Variants in RP1 observed in about 807,000 individuals in gnomAD.
RP1 encodes the protein RP1 axonemal microtubule associated.
In RP1, 16 loss-of-function variants were observed where a neutral mutation model predicts 14.8. The ratio of observed to expected loss-of-function variants is 1.08; its 90% CI spans 0.73 to 1.65. The LOEUF (loss-of-function observed/expected upper bound fraction) is 1.65. Among genes scored for constraint, RP1 ranks in the 40% most tolerant of loss-of-function variants. The pLI is 0.00. For synonymous variants in RP1, 876 were observed against 883.6 expected (o/e 0.99, Z 0.15); for missense variants, 2,631 against 2,535.0 (o/e 1.04, Z -0.81).
At chr8:54,654,100 C>T (rs1806710632) in intron 5 of RP1, among the ~76,000 whole-genome samples, 1 of 152,128 alleles carries the variant, frequency 6.6e-6, no homozygotes, top group African/African-American at 2.4e-5. Context: ...TTGTTGAGTA[C>T]CTGTGAAGAA....
rs1207897861 is a variant in RP1, at chr8:54,785,000, T to C, written c.3615+1290T>C. ...TATGGGGTACAGTGTGATGCTCCAA[T>C]ACATACATATATTGTATAATGATCA... is the stretch of plus-strand genomic sequence containing the variant. On this transcript the variant is annotated intron_variant, in intron 24 of 28. Transcript: ENST00000637698. Among the ~76,000 whole-genome samples the C allele has an allele frequency of 3.3e-5, 5 of 152,210 alleles. No homozygotes were observed. In the East Asian group the frequency reaches 5.8e-4, roughly 18 times the overall value.
intron 8 of RP1, among the ~76,000 whole-genome samples, chr8:54,677,209 G>A (rs1188089556): frequency 6.6e-6 from 1 of 151,794 alleles, no homozygotes; most frequent in Non-Finnish European, 1.5e-5. Context: ...GCAAACTGGG[G>A]CATTTGATCA....
intron 25 of RP1, among the ~76,000 whole-genome samples, chr8:54,844,875 G>A (rs374171536): frequency 6.6e-6 from 1 of 152,132 alleles, no homozygotes; most frequent in Non-Finnish European, 1.5e-5. Context: ...GCGCCACTGG[G>A]TCACTCTGTG....
chr8:54,561,774 G>C (rs1347380784), intron 1 of RP1: 1 of 152,156 alleles, frequency 6.6e-6, no homozygotes, highest in African/African-American at 2.4e-5. Flanking sequence ...ATTATTGCTG[G>C]AACATTCTAT....
rs997810354 is a variant in RP1 at position 54,769,705 on chromosome 8, C to A, written c.3249-36C>A. On this transcript the variant is annotated intron_variant, in intron 22 of 22. Transcript: ENST00000636932. ...AAATTAATTTTCTCTCTATTTTCTC[C>A]TCTCTCTTTCTTTCTCTCTCTCTCT... 3 of 1,310,412 alleles carry A rather than the reference C, an allele frequency of 2.3e-6. No homozygotes were observed. In the African/African-American group the frequency reaches 4.5e-5, roughly 20 times the overall value. 81.2% of individuals were successfully genotyped at this position (1,310,412 alleles called of 1,614,324 possible). A position where few individuals can be genotyped will look rare whatever the true frequency, so the allele number is the denominator to read the frequency against.
chr8:54,754,791 T>C, intron 19 of RP1: 2 of 1,485,936 alleles, frequency 1.3e-6, no homozygotes, highest in Non-Finnish European at 1.8e-6. Flanking sequence ...TCATTTTTTC[T>C]TCTAATTCCA....
intron 1 of RP1, among the ~76,000 whole-genome samples, chr8:54,570,950 C>G (rs1804505722): frequency 2.0e-5 from 3 of 152,220 alleles, no homozygotes; most frequent in African/African-American, 7.2e-5. Context: ...GCTGTAATCA[C>G]TGCCTCCTCA....
intron 17 of RP1, chr8:54,726,578 T>C: frequency 1.5e-6 from 2 of 1,293,362 alleles, no homozygotes; most frequent in Non-Finnish European, 2.1e-6. Flanking sequence ...ACAGCATATA[T>C]TATGTTATAC....
chr8:54,769,644 G>C, intron 22 of RP1: 1 of 864,114 alleles, frequency 1.2e-6, no homozygotes, highest in Non-Finnish European at 1.8e-6. Flanking sequence ...CAAAATTAAT[G>C]CAGAATCAAC....
intron 1 of RP1, among the ~76,000 whole-genome samples, chr8:54,564,173 C>T (rs1011719552): frequency 1.3e-5 from 2 of 152,172 alleles, no homozygotes; most frequent in Admixed American, 1.3e-4. Context: ...TCTTCAGTCT[C>T]TGGAGGGCTT....
At chr8:54,618,286 T>C (rs552251329) in intron 1 of RP1, among the ~76,000 whole-genome samples, 1 of 152,140 alleles carries the variant, frequency 6.6e-6, no homozygotes. Context: ...ATAGGGACAA[T>C]GGCAGCTGCT....
chr8:54,629,397 A>G lies in RP1; in HGVS notation c.5515A>G (p.Asn1839Asp). The G allele has an allele frequency of 6.2e-7, 1 of 1,614,148 alleles. No individual in the cohort carries two copies. Among genetic ancestry groups the G allele is most frequent in the East Asian group, 2.2e-5 (1 of 44,882 alleles). ...TCATGAGGACTTGCTGGATGTTCGC[A>G]ATGAAACCTGTGCCAAGGAAAGAAT... ...PFHEDLLDVR[N>D]ETCAKERIAN... Residue 1839 changes from asparagine (N) to aspartate (D), a missense_variant, in exon 4 of 4, where the codon AAT becomes GAT. Coordinates refer to ENST00000220676, the MANE Select transcript of RP1 (RefSeq NM_006269.2).
At chr8:54,620,107 A>G (rs2129313751) in intron 1 of RP1, among the ~76,000 whole-genome samples, 2 of 152,332 alleles carry the variant, frequency 1.3e-5, no homozygotes, top group South Asian at 4.1e-4. Context: ...ATGTATAAAA[A>G]ACACAAATAT....
In RP1 at chr8:54,627,186, CAG is replaced by C. The variant is rs777359127; in HGVS notation, c.3306_3307del (p.Asn1103TrpfsTer20). 1.2e-6 allele frequency: 2 copies of C among 1,614,056 alleles called. No homozygotes were observed. Among genetic ancestry groups the C allele is most frequent in the Non-Finnish European group, 1.7e-6 (2 of 1,179,972 alleles). On this transcript the variant is annotated frameshift_variant, in exon 4 of 4. Transcript: ENST00000220676. LOFTEE classifies it low-confidence loss of function (END_TRUNC). ...QASVPGIHKT[Q>X]NGVVQMPGSL... is the part of the protein sequence containing the mutation. ...TTCAGTTCCTGGTATTCACAAGACT[CAG>C]AATGGAGTTGTTCAAATGCCAGGTT...
chr8:54,700,705 G>C (rs1220836555), intron 13 of RP1, among the ~76,000 whole-genome samples: 2 of 152,194 alleles, frequency 1.3e-5, no homozygotes, highest in African/African-American at 4.8e-5. Context: ...CTAGGTTGCA[G>C]TAGGTTGGTG....
At chr8:54,638,899 TCTCTCTCTCG>T (rs1292351424) in intron 3 of RP1, among the ~76,000 whole-genome samples, 3 of 117,014 alleles carry the variant, frequency 2.6e-5, no homozygotes, top group Non-Finnish European at 5.6e-5. Flanking sequence ...TCTCTCTCTC[TCTCTCTCTCG>T]GTCTCTCTCA....
intron 7 of RP1, among the ~76,000 whole-genome samples, chr8:54,672,456 T>A (rs1362194471): frequency 6.6e-6 from 1 of 152,202 alleles, no homozygotes; most frequent in Non-Finnish European, 1.5e-5. Flanking sequence ...TTCTTGGTTA[T>A]GCATTGGCCT....
chr8:54,807,675 T>TATCTATCTATCTATC (rs10678922), intron 24 of RP1, among the ~76,000 whole-genome samples: 9 of 113,742 alleles, frequency 7.9e-5, no homozygotes, highest in African/African-American at 9.0e-5. Flanking sequence ...TCTATCTATC[T>TATCTATCTATCTATC]ATTTATCTAT....
chr8:54,786,589 T>C lies in RP1; in HGVS notation c.3615+2879T>C, dbSNP rs76126805. Among the ~76,000 whole-genome samples, 2,483 of 152,216 alleles carry C rather than the reference T, an allele frequency of 0.016. 142 individuals carry two copies. The East Asian group carries it at 0.17, about 11-fold the overall frequency. ...ATGTTTCTACCAATGTTCGTCGTTT[T>C]CATTGAATACATGCTCCTCAATTTG... On this transcript the variant is annotated intron_variant, in intron 24 of 28. Transcript: ENST00000637698.
Sources: allele counts gnomAD v4.1 joint callset (sites outside exome capture counted in the v4.1 genomes callset), GRCh38; gene constraint gnomAD v4.1.1; transcripts MANE v1.5; gene names NCBI Gene and HGNC (gene_info 2026-07-23, HGNC 2026-07-21).